The following MTNR1B variants were observed in gnomAD, a reference collection of about 807,000 sequenced individuals.
MTNR1B encodes melatonin receptor 1B, also known as melatonin receptor type 1B.
Under a neutral mutation model 7.0 loss-of-function variants are expected in MTNR1B, and 7 were observed. That is an observed-to-expected ratio of 1.00 (90% confidence interval 0.57 to 1.88). The LOEUF (loss-of-function observed/expected upper bound fraction) is 1.88, where lower values mean the gene tolerates loss of function less well. Ranked by LOEUF, MTNR1B falls within the 40% of genes most tolerant of loss-of-function variation. The probability of loss-of-function intolerance (pLI) is 0.00; values close to 1 mark genes in which losing one functional copy is unlikely to be tolerated. For synonymous variants in MTNR1B, 226 were observed against 208.2 expected (o/e 1.09, Z -0.74); for missense variants, 478 against 486.5 (o/e 0.98, Z 0.16).
chr11:92,974,847 C>A (rs1857988572), intron 1 of MTNR1B, among the ~76,000 whole-genome samples: 1 of 152,152 alleles, frequency 6.6e-6, no homozygotes, highest in South Asian at 2.1e-4. Flanking sequence ...CGTGATCCGC[C>A]CGCCTTGGCC....
rs967432159 is a variant in MTNR1B, at chr11:92,969,734, G to C, written c.9G>C (p.Glu3Asp). 2.2e-5 allele frequency: 32 copies of C among 1,485,086 alleles called. No individual in the cohort carries two copies. Among genetic ancestry groups the C allele is most frequent in the Non-Finnish European group, 2.8e-5 (31 of 1,117,346 alleles). 92.0% of individuals were successfully genotyped at this position (1,485,086 alleles called of 1,614,324 possible). Reference protein sequence around the residue: MSENGSFANCCEA... With the variant: MSDNGSFANCCEA... ...GCGCGGGAGAGTCTGCGATGTCAGA[G>C]AACGGCTCCTTCGCCAACTGCTGCG... is the stretch of plus-strand genomic sequence containing the variant. The change falls in exon 1 of 2, where the codon GAG (glutamate) becomes GAC (aspartate). Residue 3 changes from glutamate (E) to aspartate (D), a missense_variant. Transcript: ENST00000257068.
intron 1 of MTNR1B, among the ~76,000 whole-genome samples, chr11:92,975,590 TC>T (rs1429427624): frequency 1.3e-5 from 2 of 152,212 alleles, no homozygotes; most frequent in East Asian, 3.9e-4. Context: ...ATGGGAATAT[TC>T]TGCCTATGCA....
chr11:92,982,964 G>A (rs1404155408), downstream of MTNR1B, among the ~76,000 whole-genome samples: 1 of 95,484 alleles, frequency 1.0e-5, no homozygotes, highest in Non-Finnish European at 2.0e-5. Flanking sequence ...CACACACACA[G>A]TCACACTGCT....
At position 92,982,140 on chromosome 11, in the gene MTNR1B, T is replaced by A. The variant is rs1858120621; in HGVS notation, c.917T>A (p.Ile306Asn). ...TATTTCAACAGCTGCCTGAATGCCA[T>A]TGTCTATGGGCTCTTGAACCAAAAC... The part of the protein sequence containing the change: ...LAYFNSCLNA[I>N]VYGLLNQNFR... Residue 306 changes from isoleucine (I) to asparagine (N), a missense_variant, in exon 2 of 2, where the codon ATT (isoleucine) becomes AAT (asparagine). Ile to Asn is a moderately radical substitution (Grantham distance 149). Transcript: ENST00000257068. The A allele has an allele frequency of 2.5e-6, 4 of 1,614,056 alleles. No individual in the cohort carries two copies. In the South Asian group the frequency reaches 4.4e-5, roughly 18 times the overall value.
chr11:92,973,956 G>C (rs1197243554), intron 1 of MTNR1B, among the ~76,000 whole-genome samples: 1 of 152,200 alleles, frequency 6.6e-6, no homozygotes. Context: ...ATCAATACAG[G>C]TTTTCATGAA....
At chr11:92,979,050 T>C (rs1858056812) in intron 1 of MTNR1B, among the ~76,000 whole-genome samples, 1 of 151,884 alleles carries the variant, frequency 6.6e-6, no homozygotes, top group Non-Finnish European at 1.5e-5. Context: ...ACCCTATGAG[T>C]GTGCAGGGGG....
At position 92,979,838 on chromosome 11, in the gene MTNR1B, A is replaced by G. The variant is rs531495468; in HGVS notation, c.224-1609A>G. 2.0e-5 allele frequency among the ~76,000 whole-genome samples: 3 copies of G among 152,300 alleles called. No homozygotes were observed. The East Asian group carries it at 5.8e-4, about 29-fold the overall frequency. Reference sequence around the variant, plus strand: ...TCAAGTTCCCATCCCCATTCGGACCATGCTATGGGGAATCTTCTTTGAGAT... The same window carrying G: ...TCAAGTTCCCATCCCCATTCGGACCGTGCTATGGGGAATCTTCTTTGAGAT... On this transcript the variant is annotated intron_variant, in intron 1 of 1. Transcript: ENST00000257068.
rs748867223 is a variant in MTNR1B at position 92,981,981 on chromosome 11, T to C, written c.758T>C (p.Met253Thr). 3.1e-6 allele frequency: 5 copies of C among 1,614,210 alleles called. No homozygotes were observed. The highest frequency in any genetic ancestry group is 3.3e-5 in the Admixed American group (2 of 60,028). Reference protein sequence around the residue: ...KPSDLRSFLTMFVVFVIFAIC... With the variant: ...KPSDLRSFLTTFVVFVIFAIC... Reference sequence around the variant, plus strand: ...AGCGACTTGCGGAGCTTTCTAACCATGTTTGTGGTGTTTGTGATCTTTGCC... The same window carrying C: ...AGCGACTTGCGGAGCTTTCTAACCACGTTTGTGGTGTTTGTGATCTTTGCC... Residue 253 changes from methionine to threonine, a missense_variant, in exon 2 of 2, where the codon ATG becomes ACG. Coordinates refer to ENST00000257068, the MANE Select transcript of MTNR1B (RefSeq NM_005959.5).
At chr11:92,983,084 T>A (rs548180366), downstream of MTNR1B, among the ~76,000 whole-genome samples, 39 of 152,146 alleles carry the variant, frequency 2.6e-4, no homozygotes, top group Non-Finnish European at 5.0e-4. Context: ...AGTTTACTCA[T>A]CTTAAAGTGA....
Position 92,980,529 on chromosome 11 carries a change from C to T in MTNR1B, c.224-918C>T, listed in dbSNP as rs3824873. On this transcript the variant is annotated intron_variant, in intron 1 of 1. Coordinates refer to ENST00000257068, the MANE Select transcript of MTNR1B (RefSeq NM_005959.5). ...TCTTTTAGAGTAAGCCCTGCCTCTG[C>T]CCTGGGACTCCAGCTTAGAACATGC... Among the ~76,000 whole-genome samples the T allele has an allele frequency of 2.6e-5, 4 of 152,172 alleles. No individual in the cohort carries two copies. The East Asian group carries it at 7.7e-4, about 29-fold the overall frequency.
chr11:92,978,775 G>A (rs544327335), intron 1 of MTNR1B, among the ~76,000 whole-genome samples: 1 of 152,308 alleles, frequency 6.6e-6, no homozygotes, highest in East Asian at 1.9e-4. Context: ...ACATGGAGTT[G>A]AATGTGTTCT....
chr11:92,981,513 T>A lies in MTNR1B; in HGVS notation c.290T>A (p.Ile97Asn), dbSNP rs1858101618. The A allele has an allele frequency of 1.9e-6, 3 of 1,614,150 alleles. No individual in the cohort carries two copies. The highest frequency in any genetic ancestry group is 2.5e-6 in the Non-Finnish European group (3 of 1,180,018). Residue 97 changes from isoleucine to asparagine, a missense_variant, in exon 2 of 2, where the codon ATC (isoleucine) becomes AAC (asparagine). By Grantham distance (149) the Ile-to-Asn change is moderately radical. Transcript: ENST00000257068. Reference protein sequence around the residue: ...LVVAFYPYPLILVAIFYDGWA... With the variant: ...LVVAFYPYPLNLVAIFYDGWA... Reference sequence around the variant, plus strand: ...GTGGCCTTCTACCCCTACCCGCTAATCCTCGTGGCCATCTTCTATGACGGC... The same window carrying A: ...GTGGCCTTCTACCCCTACCCGCTAAACCTCGTGGCCATCTTCTATGACGGC...
chr11:92,970,639 T>C (rs1857908714), intron 1 of MTNR1B, among the ~76,000 whole-genome samples: 1 of 152,188 alleles, frequency 6.6e-6, no homozygotes, highest in Non-Finnish European at 1.5e-5. Context: ...ATTTTTCCTA[T>C]TTCAATCCAC....
chr11:92,978,669 G>A (rs61901524), intron 1 of MTNR1B, among the ~76,000 whole-genome samples: 260 of 152,284 alleles, frequency 1.7e-3, no homozygotes, highest in Middle Eastern at 3.4e-3. Flanking sequence ...GGAGACAGTG[G>A]GATGTCTGGG....
Position 92,982,299 on chromosome 11 carries a change from C to T in MTNR1B, c.1076C>T (p.Ala359Val). 6.2e-7 allele frequency: 1 copy of T among 1,611,946 alleles called. No individual in the cohort carries two copies. The highest frequency in any genetic ancestry group is 8.5e-7 in the Non-Finnish European group (1 of 1,179,320). ...CCCATCATTGGTGTGCAGCACCAGG[C>T]AGATGCTCTCTAGCCTGGATCTGAG... ...APPIIGVQHQADAL is the reference protein window; with the variant it reads ...APPIIGVQHQVDAL The change falls in exon 2 of 2, where the codon GCA (alanine) becomes GTA (valine). Residue 359 changes from alanine (A) to valine (V), a missense_variant. Physicochemically the swap from Ala to Val is moderately conservative, Grantham distance 64. Coordinates refer to ENST00000257068, the MANE Select transcript of MTNR1B (RefSeq NM_005959.5).
At chr11:92,983,622 C>T (rs1413483953), downstream of MTNR1B, among the ~76,000 whole-genome samples, 1 of 151,824 alleles carries the variant, frequency 6.6e-6, no homozygotes, top group Non-Finnish European at 1.5e-5. Context: ...CACCCCAATT[C>T]ATTTCTATGG....
At chr11:92,973,646 C>G (rs537608035) in intron 1 of MTNR1B, among the ~76,000 whole-genome samples, 1 of 152,162 alleles carries the variant, frequency 6.6e-6, no homozygotes, top group Non-Finnish European at 1.5e-5. Context: ...ATTATTAATA[C>G]CATGAAGGGG....
At chr11:92,979,510 G>C (rs576773151) in intron 1 of MTNR1B, among the ~76,000 whole-genome samples, 4 of 152,362 alleles carry the variant, frequency 2.6e-5, no homozygotes, top group Admixed American at 1.3e-4. Flanking sequence ...GTGAATAGTA[G>C]AGTAGGTAGG....
downstream of MTNR1B, among the ~76,000 whole-genome samples, chr11:92,983,520 G>GAA (rs1191133660): frequency 6.0e-4 from 60 of 100,208 alleles, no homozygotes; most frequent in African/African-American, 1.7e-3. Context: ...CCCTGTCTCA[G>GAA]AAAAAAAAAA....
Sources: gnomAD v4.1 joint callset for allele counts (sites outside exome capture counted in the v4.1 genomes callset) on GRCh38, gnomAD v4.1.1 for gene constraint, MANE v1.5 for transcripts, NCBI Gene and HGNC (gene_info 2026-07-23, HGNC 2026-07-21) for gene names.